MYL4: variants seen among roughly 807,000 people sequenced by gnomAD.
The protein encoded by MYL4 is atrial myosin light chain 1.
Under a neutral mutation model 21.6 loss-of-function variants are expected in MYL4, and 16 were observed. The observed-to-expected ratio is 0.74, with a 90% CI of 0.50 to 1.12. The LOEUF (loss-of-function observed/expected upper bound fraction) is 1.12. Ranked by LOEUF, MYL4 falls within the 50% of genes most tolerant of loss-of-function variation. The probability of loss-of-function intolerance (pLI) is 0.00; values close to 1 mark genes in which losing one functional copy is unlikely to be tolerated. For synonymous variants in MYL4, 82 were observed against 95.7 expected (o/e 0.86, Z 0.83); for missense variants, 249 against 252.9 (o/e 0.98, Z 0.11).
At chr17:47,212,458 A>G (rs567946195) in intron 1 of MYL4, among the ~76,000 whole-genome samples, 1 of 152,370 alleles carries the variant, frequency 6.6e-6, no homozygotes, top group African/African-American at 2.4e-5. Context: ...ACGTAAAGGC[A>G]TGACTGGAAA....
chr17:47,221,716 C>A lies in MYL4; in HGVS notation c.348C>A (p.Phe116Leu). 6.2e-7 allele frequency: 1 copy of A among 1,614,046 alleles called. No individual in the cohort carries two copies. The highest frequency in any genetic ancestry group is 8.5e-7 in the Non-Finnish European group (1 of 1,179,944). Residue 116 changes from phenylalanine to leucine, a missense_variant, in exon 4 of 7, where the codon TTC becomes TTA. Transcript: ENST00000393450. ...TCAAGATGCTGGACTTTGAGACGTTCTTGCCCATCCTGCAGCACATTTCCC... is the reference window on the plus strand; with the variant it reads ...TCAAGATGCTGGACTTTGAGACGTTATTGCCCATCCTGCAGCACATTTCCC... The part of the protein sequence containing the change: ...MNVKMLDFET[F>L]LPILQHISRN...
rs150979678 is a variant in MYL4, at chr17:47,201,417, A to G, written c.-35+831A>G. ...TATGGCCTTCTTTCTTCAGTGGTCCATGCAACGCCTTTCTTGTTTAATTAC... is the reference window on the plus strand; with the variant it reads ...TATGGCCTTCTTTCTTCAGTGGTCCGTGCAACGCCTTTCTTGTTTAATTAC... On this transcript the variant is annotated intron_variant and NMD_transcript_variant, in intron 1 of 6. Coordinates refer to the MYL4 transcript ENST00000571981. Among the ~76,000 whole-genome samples the G allele has an allele frequency of 1.8e-3, 274 of 150,686 alleles. 3 individuals carry two copies. The highest frequency in any genetic ancestry group is 6.3e-3 in the African/African-American group (259 of 41,084).
intron 2 of MYL4, among the ~76,000 whole-genome samples, chr17:47,219,336 G>A (rs2064837102): frequency 6.6e-6 from 1 of 152,208 alleles, no homozygotes; most frequent in Non-Finnish European, 1.5e-5. Context: ...ACATGAAGCT[G>A]AGACCCAGCC....
At chr17:47,205,713 A>G (rs990318316), upstream of MYL4, among the ~76,000 whole-genome samples, 1 of 152,196 alleles carries the variant, frequency 6.6e-6, no homozygotes, top group Non-Finnish European at 1.5e-5. Flanking sequence ...CTAAGGTTTC[A>G]GGTGGTTGGG....
At chr17:47,194,314 A>C in the MYL4 span, among the ~76,000 whole-genome samples, 89,928 of 152,022 alleles carry the variant, frequency 0.59, 26,987 homozygotes, top group Admixed American at 0.68. Context: ...GTACAGATTT[A>C]TTCCCAGCCT....
At chr17:47,204,000 C>G (rs564042223) in intron 1 of MYL4, among the ~76,000 whole-genome samples, 10 of 152,342 alleles carry the variant, frequency 6.6e-5, no homozygotes, top group Admixed American at 3.3e-4. Flanking sequence ...AGTTCACATG[C>G]CCTGGAAATT....
intron 1 of MYL4, among the ~76,000 whole-genome samples, chr17:47,202,836 T>C (rs1567742429): frequency 6.6e-6 from 1 of 152,256 alleles, no homozygotes; most frequent in Non-Finnish European, 1.5e-5. Flanking sequence ...CATACTTACA[T>C]TGAAATAATG....
chr17:47,200,026 C>G (rs1352899358), upstream of MYL4, among the ~76,000 whole-genome samples: 1 of 151,054 alleles, frequency 6.6e-6, no homozygotes, highest in African/African-American at 2.4e-5. Flanking sequence ...TAGATGTGAG[C>G]CACCACGCCT....
chr17:47,210,176 C>G (rs1225330454), intron 1 of MYL4, among the ~76,000 whole-genome samples: 1 of 152,180 alleles, frequency 6.6e-6, no homozygotes, highest in African/African-American at 2.4e-5. Context: ...GGGTTCCTAT[C>G]TGTAGCATGC....
the MYL4 span, among the ~76,000 whole-genome samples, chr17:47,193,670 C>T: frequency 1.3e-5 from 2 of 151,912 alleles, no homozygotes; most frequent in African/African-American, 4.9e-5. Context: ...TCTCACCCAC[C>T]CTACACATTC....
chr17:47,194,342 A>G, the MYL4 span, among the ~76,000 whole-genome samples: 3 of 152,238 alleles, frequency 2.0e-5, no homozygotes, highest in Non-Finnish European at 2.9e-5. Context: ...GTCTCTGGTG[A>G]TAAGAATGGC....
chr17:47,200,400 A>G (rs2064705099), upstream of MYL4: 1 of 152,066 alleles, frequency 6.6e-6, no homozygotes, highest in African/African-American at 2.4e-5. Flanking sequence ...CTTGGGGGCT[A>G]AGCTTCTCCG....
At chr17:47,227,408 A>G (rs1410167477), downstream of MYL4, among the ~76,000 whole-genome samples, 1 of 152,132 alleles carries the variant, frequency 6.6e-6, no homozygotes, top group African/African-American at 2.4e-5. Context: ...ACTATTTCGA[A>G]CCCAGATCCA....
intron 1 of MYL4, among the ~76,000 whole-genome samples, chr17:47,211,416 G>A (rs1054078817): frequency 5.3e-5 from 8 of 152,156 alleles, no homozygotes; most frequent in East Asian, 3.9e-4. Context: ...AAAAAGATTC[G>A]AAGATAGAAC....
rs760514647 is a variant in MYL4, at chr17:47,219,988, G to T, written c.248G>T (p.Arg83Leu). ...ITYGQCGDVLRALGQNPTNAE... is the reference protein window; with the variant it reads ...ITYGQCGDVLLALGQNPTNAE... ...TACGGCCAGTGCGGGGATGTACTGCGGGCCCTGGGCCAGAACCCTACCAAT... is the reference window on the plus strand; with the variant it reads ...TACGGCCAGTGCGGGGATGTACTGCTGGCCCTGGGCCAGAACCCTACCAAT... The change falls in exon 3 of 7, where the codon CGG becomes CTG. Residue 83 changes from arginine to leucine, a missense_variant. Transcript: ENST00000393450. 6.2e-7 allele frequency: 1 copy of T among 1,614,188 alleles called. No individual in the cohort carries two copies.
intron 2 of MYL4, chr17:47,214,048 T>A: frequency 1.9e-6 from 1 of 536,596 alleles, no homozygotes; most frequent in Non-Finnish European, 3.4e-6. Context: ...AGGTAGAAAT[T>A]GTTACCTCCC....
the MYL4 span, among the ~76,000 whole-genome samples, chr17:47,192,765 T>C: frequency 2.6e-5 from 4 of 152,208 alleles, no homozygotes; most frequent in Non-Finnish European, 5.9e-5. Flanking sequence ...TGGGGTATTT[T>C]GGAGTGTTTT....
chr17:47,207,237 T>C (rs1226565323), upstream of MYL4, among the ~76,000 whole-genome samples: 1 of 152,192 alleles, frequency 6.6e-6, no homozygotes, highest in African/African-American at 2.4e-5. Flanking sequence ...CTTTGAGGGC[T>C]TCTCTGTCAC....
At chr17:47,196,066 T>A (rs2064688033), upstream of MYL4, among the ~76,000 whole-genome samples, 1 of 152,210 alleles carries the variant, frequency 6.6e-6, no homozygotes, top group Admixed American at 6.5e-5. Context: ...TGGTTGCATC[T>A]CCTCAAAATT....
Sources: allele counts gnomAD v4.1 joint callset (sites outside exome capture counted in the v4.1 genomes callset), GRCh38; gene constraint gnomAD v4.1.1; transcripts MANE v1.5; gene names NCBI Gene and HGNC (gene_info 2026-07-23, HGNC 2026-07-21).